JARID2: variants seen among roughly 807,000 people sequenced by gnomAD.
JARID2 encodes jumonji and AT-rich interaction domain containing 2.
In JARID2, 21 loss-of-function variants were observed where a neutral mutation model predicts 125.6. The observed-to-expected ratio is 0.17, with a 90% confidence interval of 0.12 to 0.24. The LOEUF is 0.24. Among genes scored for constraint, JARID2 ranks in the 10% least tolerant of loss-of-function variants. JARID2 has a pLI of 1.00. For synonymous variants in JARID2, 736 were observed against 661.6 expected (o/e 1.11, Z -1.73); for missense variants, 1,303 against 1,639.6 (o/e 0.79, Z 3.55).
At chr6:15,425,544 G>C (rs962060130) in intron 3 of JARID2, among the ~76,000 whole-genome samples, 2 of 152,092 alleles carry the variant, frequency 1.3e-5, no homozygotes, top group African/African-American at 4.8e-5. Context: ...CCTTTATCGT[G>C]GGAGTGGATT....
chr6:15,483,553 A>G (rs1424671682), intron 5 of JARID2, among the ~76,000 whole-genome samples: 1 of 152,218 alleles, frequency 6.6e-6, no homozygotes, highest in East Asian at 1.9e-4. Flanking sequence ...ATTATAGAAT[A>G]TACCCATTAA....
chr6:15,485,045 A>C (rs752209494), intron 5 of JARID2, among the ~76,000 whole-genome samples: 1 of 152,204 alleles, frequency 6.6e-6, no homozygotes, highest in East Asian at 1.9e-4. Flanking sequence ...CAGCTTGGGC[A>C]TGATTGATGG....
intron 2 of JARID2, among the ~76,000 whole-genome samples, chr6:15,400,232 G>T (rs2127554064): frequency 6.6e-6 from 1 of 151,898 alleles, no homozygotes; most frequent in Admixed American, 6.6e-5. Flanking sequence ...TGGGGGCAGC[G>T]GTGGCCCATG....
At chr6:15,406,311 A>G (rs1007604121) in intron 2 of JARID2, among the ~76,000 whole-genome samples, 4 of 152,134 alleles carry the variant, frequency 2.6e-5, no homozygotes, top group East Asian at 1.9e-4. Context: ...GCGAACGCCT[A>G]TAGTCCCAGC....
chr6:15,516,286 G>A (rs1213218668), intron 16 of JARID2, among the ~76,000 whole-genome samples: 1 of 152,242 alleles, frequency 6.6e-6, no homozygotes, highest in Non-Finnish European at 1.5e-5. Context: ...TTCTCCTCTT[G>A]AGTGTTAAGA....
chr6:15,273,340 A>G (rs1760373290), intron 1 of JARID2, among the ~76,000 whole-genome samples: 1 of 152,234 alleles, frequency 6.6e-6, no homozygotes, highest in African/African-American at 2.4e-5. Flanking sequence ...TGTCCCTGCT[A>G]TATTTTCTTC....
At chr6:15,353,936 C>T (rs1456842965) in intron 1 of JARID2, among the ~76,000 whole-genome samples, 2 of 152,284 alleles carry the variant, frequency 1.3e-5, no homozygotes, top group Non-Finnish European at 2.9e-5. Flanking sequence ...AAATCTGCCA[C>T]TTATGTTCCT....
intron 3 of JARID2, among the ~76,000 whole-genome samples, chr6:15,414,939 T>C (rs1438156179): frequency 6.6e-6 from 1 of 152,166 alleles, no homozygotes; most frequent in Non-Finnish European, 1.5e-5. Flanking sequence ...GTCTCTGGTT[T>C]TCCTATGCAG....
intron 1 of JARID2, among the ~76,000 whole-genome samples, chr6:15,295,117 T>G (rs1437933850): frequency 1.4e-5 from 2 of 146,650 alleles, no homozygotes; most frequent in Admixed American, 1.4e-4. Flanking sequence ...TCTTTTTTTT[T>G]TCTTTCTTTT....
intron 5 of JARID2, among the ~76,000 whole-genome samples, chr6:15,477,243 T>C (rs1188695505): frequency 1.3e-5 from 2 of 152,158 alleles, no homozygotes; most frequent in East Asian, 3.8e-4. Context: ...TGCTCTGTGG[T>C]TGCCTTTGAG....
At chr6:15,334,694 TC>T (rs2127460145) in intron 1 of JARID2, among the ~76,000 whole-genome samples, 1 of 152,302 alleles carries the variant, frequency 6.6e-6, no homozygotes, top group South Asian at 2.1e-4. Context: ...GTTGTTTGTT[TC>T]TTCAATACTG....
chr6:15,518,523 C>T (rs765580277), intron 17 of JARID2, among the ~76,000 whole-genome samples: 1 of 152,206 alleles, frequency 6.6e-6, no homozygotes, highest in Non-Finnish European at 1.5e-5. Flanking sequence ...CGCTCTGTCG[C>T]CAGGCTGGAG....
At chr6:15,294,196 T>C (rs1182742964) in intron 1 of JARID2, among the ~76,000 whole-genome samples, 2 of 152,084 alleles carry the variant, frequency 1.3e-5, no homozygotes, top group African/African-American at 4.8e-5. Context: ...AGTGCCCTTT[T>C]TTTCTTTTTT....
intron 3 of JARID2, among the ~76,000 whole-genome samples, chr6:15,417,828 C>G (rs1051564453): frequency 1.3e-5 from 2 of 152,214 alleles, no homozygotes; most frequent in Non-Finnish European, 2.9e-5. Context: ...TAGCCATTGT[C>G]AGTATATGTG....
At chr6:15,283,253 C>T (rs976257248) in intron 1 of JARID2, among the ~76,000 whole-genome samples, 13 of 150,494 alleles carry the variant, frequency 8.6e-5, no homozygotes, top group Non-Finnish European at 1.5e-4. Context: ...GCTGGGATTA[C>T]AGGTGTGAGC....
intron 2 of JARID2, among the ~76,000 whole-genome samples, chr6:15,386,281 C>CCTCT (rs1561829325): frequency 6.7e-6 from 1 of 149,300 alleles, no homozygotes; most frequent in African/African-American, 2.5e-5. Context: ...TTCCTTTCCC[C>CCTCT]CTCTCTCTCC....
At chr6:15,334,148 C>G (rs1183148540) in intron 1 of JARID2, among the ~76,000 whole-genome samples, 1 of 152,148 alleles carries the variant, frequency 6.6e-6, no homozygotes, top group African/African-American at 2.4e-5. Flanking sequence ...GACACAGCAG[C>G]CTTCTCTAAT....
intron 2 of JARID2, among the ~76,000 whole-genome samples, chr6:15,376,412 TG>T (rs1210099972): frequency 6.6e-6 from 1 of 152,122 alleles, no homozygotes; most frequent in African/African-American, 2.4e-5. Context: ...AGGACTTGAG[TG>T]TGCTTTAAGA....
intron 3 of JARID2, among the ~76,000 whole-genome samples, chr6:15,424,056 T>C (rs1258589625): frequency 1.3e-5 from 2 of 152,158 alleles, no homozygotes; most frequent in Non-Finnish European, 2.9e-5. Context: ...CTTAGACATC[T>C]GAGCCCGCAT....
Sources: gnomAD v4.1 joint callset for allele counts (sites outside exome capture counted in the v4.1 genomes callset) on GRCh38, gnomAD v4.1.1 for gene constraint, MANE v1.5 for transcripts, NCBI Gene and HGNC (gene_info 2026-07-23, HGNC 2026-07-21) for gene names.